PLCB1: variants seen among roughly 807,000 people sequenced by gnomAD.
PLCB1 encodes phospholipase C beta 1.
In PLCB1, 46 loss-of-function variants were observed where a neutral mutation model predicts 161.8. The observed-to-expected ratio is 0.28, with a 90% confidence interval of 0.22 to 0.36. The LOEUF is 0.36. Among genes scored for constraint, PLCB1 ranks in the 10% least tolerant of loss-of-function variants. PLCB1 has a pLI of 1.00. For missense variants in PLCB1, 1,016 were observed against 1,472.5 expected, an observed-to-expected ratio of 0.69 and a Z score of 5.07; for synonymous variants, 517 against 503.7, an observed-to-expected ratio of 1.03 and a Z score of -0.35.
intron 2 of PLCB1, among the ~76,000 whole-genome samples, chr20:8,300,625 T>G (rs1205447082): frequency 6.6e-6 from 1 of 152,172 alleles, no homozygotes; most frequent in Non-Finnish European, 1.5e-5. Flanking sequence ...TGTGCCATGT[T>G]GGTGTGCTGC....
intron 4 of PLCB1, among the ~76,000 whole-genome samples, chr20:8,633,728 A>C (rs1988674537): frequency 6.6e-6 from 1 of 152,114 alleles, no homozygotes; most frequent in African/African-American, 2.4e-5. Flanking sequence ...GTTTTGAAAA[A>C]GGAATATATC....
At chr20:8,668,826 A>C (rs958669592) in intron 9 of PLCB1, among the ~76,000 whole-genome samples, 2 of 152,214 alleles carry the variant, frequency 1.3e-5, no homozygotes, top group Non-Finnish European at 2.9e-5. Flanking sequence ...TATTACCAGC[A>C]AAACACTATT....
intron 31 of PLCB1, among the ~76,000 whole-genome samples, chr20:8,797,215 A>C (rs1172867528): frequency 3.9e-5 from 6 of 152,050 alleles, no homozygotes; most frequent in Non-Finnish European, 8.8e-5. Context: ...TCTTTTGATG[A>C]TAATTTATAT....
intron 31 of PLCB1, among the ~76,000 whole-genome samples, chr20:8,856,481 G>A (rs1292293766): frequency 1.3e-5 from 2 of 151,876 alleles, no homozygotes; most frequent in Admixed American, 1.3e-4. Context: ...CTGGGCGTGG[G>A]GGCACACGCC....
chr20:8,548,527 CTCTT>C (rs1031475325), intron 3 of PLCB1, among the ~76,000 whole-genome samples: 6 of 151,034 alleles, frequency 4.0e-5, no homozygotes, highest in African/African-American at 1.5e-4. Flanking sequence ...CTCCCTCTCT[CTCTT>C]TCTTTTCTTC....
At chr20:8,834,232 T>C (rs1210135239) in intron 31 of PLCB1, among the ~76,000 whole-genome samples, 1 of 151,880 alleles carries the variant, frequency 6.6e-6, no homozygotes, top group Non-Finnish European at 1.5e-5. Flanking sequence ...AGTTATAGCA[T>C]GTTGGATGTA....
At chr20:8,216,667 G>T (rs1600240113) in intron 2 of PLCB1, among the ~76,000 whole-genome samples, 1 of 152,034 alleles carries the variant, frequency 6.6e-6, no homozygotes, top group East Asian at 1.9e-4. Flanking sequence ...CCCTCAAAAA[G>T]GTCAGAGAAA....
intron 13 of PLCB1, among the ~76,000 whole-genome samples, chr20:8,717,285 C>A (rs1474653646): frequency 6.6e-6 from 1 of 152,148 alleles, no homozygotes; most frequent in Non-Finnish European, 1.5e-5. Context: ...CCGTCTTTAC[C>A]AACTCCTCCT....
At chr20:8,557,659 T>TA (rs2123012823) in intron 3 of PLCB1, among the ~76,000 whole-genome samples, 1 of 152,092 alleles carries the variant, frequency 6.6e-6, no homozygotes, top group Non-Finnish European at 1.5e-5. Context: ...TGAATTTAGT[T>TA]AATGTCACTC....
intron 3 of PLCB1, among the ~76,000 whole-genome samples, chr20:8,492,995 C>T (rs1412864700): frequency 1.3e-5 from 2 of 151,908 alleles, no homozygotes; most frequent in African/African-American, 4.8e-5. Context: ...AATAAAATTC[C>T]CTTATATCAC....
At chr20:8,548,134 T>C (rs1985625458) in intron 3 of PLCB1, among the ~76,000 whole-genome samples, 1 of 150,174 alleles carries the variant, frequency 6.7e-6, no homozygotes, top group African/African-American at 2.4e-5. Flanking sequence ...TTTTTTTCCA[T>C]TCTCTCCTTC....
intron 31 of PLCB1, among the ~76,000 whole-genome samples, chr20:8,850,969 C>T (rs1308266723): frequency 2.0e-5 from 3 of 152,252 alleles, no homozygotes; most frequent in African/African-American, 4.8e-5. Flanking sequence ...GAATAATCCA[C>T]AAACATGGTT....
At chr20:8,609,711 A>G (rs1987850964) in intron 3 of PLCB1, among the ~76,000 whole-genome samples, 1 of 152,122 alleles carries the variant, frequency 6.6e-6, no homozygotes, top group Non-Finnish European at 1.5e-5. Flanking sequence ...TGGTGCGATC[A>G]TAGTTCACTG....
intron 2 of PLCB1, among the ~76,000 whole-genome samples, chr20:8,324,287 T>C (rs1985053454): frequency 6.6e-6 from 1 of 151,738 alleles, no homozygotes; most frequent in Non-Finnish European, 1.5e-5. Flanking sequence ...GAAGTCACAC[T>C]AATTAAATCT....
chr20:8,314,655 A>G (rs996416436), intron 2 of PLCB1, among the ~76,000 whole-genome samples: 3 of 152,248 alleles, frequency 2.0e-5, no homozygotes, highest in Non-Finnish European at 2.9e-5. Context: ...GTCTTGGCCC[A>G]TAGTAAGCAC....
At chr20:8,876,998 A>G (rs190684236) in intron 31 of PLCB1, among the ~76,000 whole-genome samples, 1 of 152,136 alleles carries the variant, frequency 6.6e-6, no homozygotes, top group Admixed American at 6.5e-5. Context: ...CTTTGCTGGG[A>G]TGGGATGAGC....
intron 2 of PLCB1, among the ~76,000 whole-genome samples, chr20:8,228,140 C>T (rs576254299): frequency 6.6e-6 from 1 of 151,384 alleles, no homozygotes; most frequent in Non-Finnish European, 1.5e-5. Context: ...GCCCTGGCGA[C>T]AGAAGTGAGA....
intron 31 of PLCB1, among the ~76,000 whole-genome samples, chr20:8,825,940 A>T (rs1199658665): frequency 6.6e-6 from 1 of 152,158 alleles, no homozygotes; most frequent in African/African-American, 2.4e-5. Flanking sequence ...TTGCCTAGAC[A>T]TGTGGTTTGT....
intron 3 of PLCB1, among the ~76,000 whole-genome samples, chr20:8,424,554 T>C (rs1210178814): frequency 6.6e-6 from 1 of 152,172 alleles, no homozygotes; most frequent in African/African-American, 2.4e-5. Flanking sequence ...ACCTGCATTC[T>C]GAGTTGTTGT....
Sources: gnomAD v4.1 joint callset for allele counts (sites outside exome capture counted in the v4.1 genomes callset) on GRCh38, gnomAD v4.1.1 for gene constraint, MANE v1.5 for transcripts, NCBI Gene and HGNC (gene_info 2026-07-23, HGNC 2026-07-21) for gene names.